CHD7: variants seen among roughly 807,000 people sequenced by gnomAD.
The protein encoded by CHD7 is ATP-dependent chromatin remodeler CHD7.
In CHD7, 24 loss-of-function variants were observed where a neutral mutation model predicts 307.3. That is an observed-to-expected ratio of 0.08 (90% CI 0.06 to 0.11). The LOEUF is 0.11. Among genes scored for constraint, CHD7 ranks in the 10% least tolerant of loss-of-function variants. The probability of loss-of-function intolerance (pLI) is 1.00; values close to 1 mark genes in which losing one functional copy is unlikely to be tolerated. For missense variants in CHD7, 3,106 were observed against 3,727.1 expected (o/e 0.83, Z 4.34); for synonymous variants, 1,363 against 1,349.9 (o/e 1.01, Z -0.21).
intron 4 of CHD7, among the ~76,000 whole-genome samples, chr8:60,797,641 T>C (rs1417379606): frequency 6.6e-6 from 1 of 152,236 alleles, no homozygotes; most frequent in Non-Finnish European, 1.5e-5. Flanking sequence ...ACATTGCTTC[T>C]TACTGGAATG....
Position 60,742,478 on chromosome 8 carries a change from A to G in CHD7, c.1046A>G (p.Asn349Ser), listed in dbSNP as rs200644351. Residue 349 changes from asparagine (N) to serine (S), a missense_variant, in exon 2 of 38, where the codon AAT becomes AGT. Coordinates refer to ENST00000423902, the MANE Select transcript of CHD7 (RefSeq NM_017780.4). Reference protein sequence around the residue: ...PMNQSVPRYPNAVGFPSNSGQ... With the variant: ...PMNQSVPRYPSAVGFPSNSGQ... ...AATCAGTCCGTACCAAGATACCCCA[A>G]TGCTGTAGGATTCCCATCAAACAGT... 361 of 1,613,858 alleles carry G rather than the reference A, an allele frequency of 2.2e-4. No homozygotes were observed. The highest frequency in any genetic ancestry group is 2.8e-4 in the Non-Finnish European group (331 of 1,179,864).
intron 13 of CHD7, among the ~76,000 whole-genome samples, chr8:60,827,508 C>T (rs940004544): frequency 3.3e-5 from 5 of 151,922 alleles, no homozygotes. Context: ...GGTATGTCAG[C>T]GATTGTGGCC....
At chr8:60,810,380 A>AGTGTGT (rs112629399) in intron 7 of CHD7, among the ~76,000 whole-genome samples, 12,425 of 145,982 alleles carry the variant, frequency 0.085, 691 homozygotes, top group East Asian at 0.25. Context: ...AGAGAGAGAG[A>AGTGTGT]GTGTGTGTGT....
At chr8:60,864,560 T>C (rs967818542) in intron 37 of CHD7, 16 of 185,006 alleles carry the variant, frequency 8.6e-5, no homozygotes, top group Middle Eastern at 2.5e-3. Flanking sequence ...GTTGGGTAGA[T>C]GAGGTATGCA....
At chr8:60,790,300 G>A (rs1426349145) in intron 3 of CHD7, among the ~76,000 whole-genome samples, 3 of 152,150 alleles carry the variant, frequency 2.0e-5, no homozygotes, top group Admixed American at 6.5e-5. Context: ...CCTCGTGAGT[G>A]GATGGCTCTG....
At chr8:60,848,486 C>T (rs763686889) in intron 23 of CHD7, 29 bp from the exon 24 acceptor site, 2 of 1,566,916 alleles carry the variant, frequency 1.3e-6, no homozygotes. Context: ...AAGTTAAGAA[C>T]TTTTTCCCCC....
intron 23 of CHD7, among the ~76,000 whole-genome samples, chr8:60,847,051 A>G (rs1805240327): frequency 6.6e-6 from 1 of 152,234 alleles, no homozygotes; most frequent in Admixed American, 6.5e-5. Context: ...TCTGGTCAGT[A>G]TGGTACAGTC....
intron 22 of CHD7, 40 bp from the exon 23 acceptor site, chr8:60,845,210 A>G (rs1305355273): frequency 6.3e-7 from 1 of 1,586,730 alleles, no homozygotes; most frequent in African/African-American, 1.4e-5. Flanking sequence ...TATAATTGGA[A>G]TGTAAAAGGC....
chr8:60,844,521 C>T (rs1263243942), intron 21 of CHD7, among the ~76,000 whole-genome samples: 2 of 152,156 alleles, frequency 1.3e-5, no homozygotes, highest in African/African-American at 4.8e-5. Context: ...ATGTACTAAT[C>T]ATGACAGTGT....
intron 3 of CHD7, 110 bp from the exon 4 acceptor site, chr8:60,794,876 A>G (rs1476472480): frequency 1.0e-6 from 1 of 1,001,400 alleles, no homozygotes; most frequent in Non-Finnish European, 1.4e-6. Flanking sequence ...GCCAATATGT[A>G]TGGATTTATC....
intron 15 of CHD7, among the ~76,000 whole-genome samples, chr8:60,832,774 AAC>A (rs961002991): frequency 2.0e-5 from 3 of 152,138 alleles, no homozygotes; most frequent in African/African-American, 4.8e-5. Flanking sequence ...TTTCCCCCAA[AAC>A]ACAGCTGGTG....
At chr8:60,850,862 TC>T in intron 26 of CHD7, 169 bp from the exon 27 acceptor site, 1 of 677,514 alleles carries the variant, frequency 1.5e-6, no homozygotes, top group Non-Finnish European at 2.5e-6. Context: ...CCAGACCCCC[TC>T]CACCACACTG....
intron 4 of CHD7, 44 bp downstream of exon 4, chr8:60,795,171 G>A: frequency 6.3e-7 from 1 of 1,593,032 alleles, no homozygotes; most frequent in South Asian, 1.1e-5. Flanking sequence ...TATTTGGCAT[G>A]GGTAACTTTA....
At chr8:60,804,073 G>A (rs1450149035) in intron 6 of CHD7, among the ~76,000 whole-genome samples, 1 of 152,148 alleles carries the variant, frequency 6.6e-6, no homozygotes, top group Non-Finnish European at 1.5e-5. Flanking sequence ...ATGGAGTTGT[G>A]CAAACATAAA....
chr8:60,813,841 T>C (rs1812922298), intron 7 of CHD7, among the ~76,000 whole-genome samples: 1 of 151,280 alleles, frequency 6.6e-6, no homozygotes, highest in South Asian at 2.1e-4. Context: ...TTTATAAGTA[T>C]TATAAATATA....
At chr8:60,842,297 A>C (rs1184960957) in intron 21 of CHD7, among the ~76,000 whole-genome samples, 1 of 152,248 alleles carries the variant, frequency 6.6e-6, no homozygotes, top group Non-Finnish European at 1.5e-5. Context: ...TTAAGGAATT[A>C]TGCCAGATCT....
intron 1 of CHD7, among the ~76,000 whole-genome samples, chr8:60,709,491 G>T (rs928976952): frequency 5.3e-5 from 8 of 152,190 alleles, no homozygotes; most frequent in Non-Finnish European, 1.0e-4. Flanking sequence ...TGCAACTAAA[G>T]TATGCTGAAT....
chr8:60,740,939 C>A (rs908296121), intron 1 of CHD7, among the ~76,000 whole-genome samples: 2 of 152,190 alleles, frequency 1.3e-5, no homozygotes, highest in Non-Finnish European at 2.9e-5. Flanking sequence ...GTGGCAGCTG[C>A]TGCTGCTTCA....
intron 3 of CHD7, among the ~76,000 whole-genome samples, chr8:60,788,629 G>T (rs993565713): frequency 6.6e-6 from 1 of 152,194 alleles, no homozygotes; most frequent in Non-Finnish European, 1.5e-5. Context: ...GGGTGGCGAG[G>T]CACCTGCTTG....
Sources: allele counts gnomAD v4.1 joint callset (sites outside exome capture counted in the v4.1 genomes callset), GRCh38; gene constraint gnomAD v4.1.1; transcripts MANE v1.5; gene names NCBI Gene and HGNC (gene_info 2026-07-23, HGNC 2026-07-21).